The following MTAP variants were observed in gnomAD, a reference collection of about 807,000 sequenced individuals.
MTAP encodes the protein S-methyl-5'-thioadenosine phosphorylase.
A neutral mutation model predicts 33.6 loss-of-function variants in MTAP; 33 were observed. The ratio of observed to expected loss-of-function variants is 0.98; its 90% CI spans 0.74 to 1.31. The LOEUF (loss-of-function observed/expected upper bound fraction) is 1.31. MTAP is among the 40% of genes most tolerant of loss of function. MTAP has a pLI of 0.00. For missense variants in MTAP, 367 were observed against 360.0 expected, an observed-to-expected ratio of 1.02 and a Z score of -0.16; for synonymous variants, 148 against 125.7, an observed-to-expected ratio of 1.18 and a Z score of -1.19.
chr9:21,886,850 A>G (rs943677666), intron 1 of MTAP, among the ~76,000 whole-genome samples: 6 of 152,196 alleles, frequency 3.9e-5, no homozygotes, highest in African/African-American at 1.4e-4. Flanking sequence ...GCCTTATAGA[A>G]TAGTTTGAAG....
chr9:21,855,976 G>A lies in MTAP; in HGVS notation c.690+1106G>A, dbSNP rs3935921. ...ATTCAGACTATTCCTTTTTCCTTCA[G>A]TCTCATAATTTTTAACAATTTGATC... On this transcript the variant is annotated intron_variant, in intron 6 of 7. Transcript: ENST00000644715. The A allele has an allele frequency of 1.7e-4, 28 of 160,232 alleles. No individual in the cohort carries two copies. In the East Asian group the frequency reaches 5.0e-3, roughly 29 times the overall value. 9.9% of individuals were successfully genotyped at this position (160,232 alleles called of 1,614,324 possible).
At chr9:21,857,840 A>G (rs184002707) in intron 6 of MTAP, among the ~76,000 whole-genome samples, 178 of 152,254 alleles carry the variant, frequency 1.2e-3, no homozygotes, top group African/African-American at 4.1e-3. Context: ...CAAGCTTTTT[A>G]TGAAGGAACC....
chr9:21,828,938 G>A (rs1214873664), intron 4 of MTAP, among the ~76,000 whole-genome samples: 3 of 152,052 alleles, frequency 2.0e-5, no homozygotes, highest in Admixed American at 2.0e-4. Flanking sequence ...AGTTAACCAG[G>A]CTTGAGCACA....
At chr9:21,934,609 G>A (rs1819012656), downstream of MTAP, 1 of 151,816 alleles carries the variant, frequency 6.6e-6, no homozygotes, top group South Asian at 2.1e-4. This position sits in a 1 kb window ranked among gnomAD's most constrained non-coding sequence, Gnocchi z 5.0. Context: ...GTGAAAATGT[G>A]GTAGCTATTT....
At chr9:21,830,481 G>T (rs1180013454) in intron 4 of MTAP, among the ~76,000 whole-genome samples, 1 of 152,094 alleles carries the variant, frequency 6.6e-6, no homozygotes, top group Non-Finnish European at 1.5e-5. Flanking sequence ...GGCCACTGAG[G>T]GTAAAAGATG....
downstream of MTAP, among the ~76,000 whole-genome samples, chr9:21,869,706 A>T (rs1413157548): frequency 6.6e-6 from 1 of 152,160 alleles, no homozygotes; most frequent in African/African-American, 2.4e-5. Context: ...TTTATTTACC[A>T]TCCAAATATG....
At position 21,864,652 on chromosome 9, in the gene MTAP, G is replaced by T. The variant is rs556394357; in HGVS notation, c.*2638G>T. 1 of 985,548 alleles carries T rather than the reference G, an allele frequency of 1.0e-6. No homozygotes were observed. Among genetic ancestry groups the T allele is most frequent in the Non-Finnish European group, 1.2e-6 (1 of 830,038 alleles). 61.1% of individuals were successfully genotyped at this position (985,548 alleles called of 1,614,324 possible). ...GCCCCCTTCGCTAGCACGAGTTGCT[G>T]TGCAGGGCTGGAGGTAGCTACCATG... On this transcript the variant is annotated 3_prime_UTR_variant, in exon 8 of 8. Coordinates refer to ENST00000644715, the MANE Select transcript of MTAP (RefSeq NM_002451.4).
Position 21,865,342 on chromosome 9 carries a change from T to C in MTAP, c.*3328T>C. The C allele has an allele frequency of 1.3e-6, 1 of 749,664 alleles. No individual in the cohort carries two copies. 46.4% of individuals were successfully genotyped at this position (749,664 alleles called of 1,614,324 possible). A position where few individuals can be genotyped will look rare whatever the true frequency, so the allele number is the denominator to read the frequency against. On this transcript the variant is annotated 3_prime_UTR_variant, in exon 8 of 8. Coordinates refer to ENST00000644715, the MANE Select transcript of MTAP (RefSeq NM_002451.4). ...CCACGATTGTAAGTTTCCTGAGGCC[T>C]TCCCAGCTATGTGGAACTGTGAGTT... is the stretch of plus-strand genomic sequence containing the variant.
chr9:21,915,021 TTCCTTCCTTCCTTCCTTC>T lies in MTAP; in HGVS notation c.148-15986_148-15969del, dbSNP rs1818656727. 6.1e-5 allele frequency among the ~76,000 whole-genome samples: 6 copies of T among 98,996 alleles called. 1 individual carries two copies. The East Asian group carries it at 1.7e-3, about 28-fold the overall frequency. 64.9% of individuals were successfully genotyped at this position (98,996 alleles called of 152,430 possible). On this transcript the variant is annotated intron_variant, in intron 1 of 1. Transcript: ENST00000577563. ...TTTCTTTCCTTCCTTCCTTCCTTCC[TTCCTTCCTTCCTTCCTTC>T]CTTCCTTCCTTCCTTCCTTTCTTTC...
At chr9:21,810,163 G>T (rs1403888648) in intron 1 of MTAP, among the ~76,000 whole-genome samples, 2 of 152,196 alleles carry the variant, frequency 1.3e-5, no homozygotes, top group Non-Finnish European at 2.9e-5. Context: ...AGCGCTGGAG[G>T]TTAGAAGTCC....
At chr9:21,815,178 A>G (rs1824445336) in intron 1 of MTAP, among the ~76,000 whole-genome samples, 1 of 152,178 alleles carries the variant, frequency 6.6e-6, no homozygotes, top group South Asian at 2.1e-4. Flanking sequence ...TCAGAAGTAA[A>G]TGTGATGTAG....
At chr9:21,834,875 T>TG (rs1825063746) in intron 4 of MTAP, among the ~76,000 whole-genome samples, 1 of 152,232 alleles carries the variant, frequency 6.6e-6, no homozygotes, top group Non-Finnish European at 1.5e-5. Flanking sequence ...GGAGATGTTA[T>TG]TGCATCGCAG....
At chr9:21,896,748 A>G (rs1002682615) in intron 1 of MTAP, among the ~76,000 whole-genome samples, 31 of 152,168 alleles carry the variant, frequency 2.0e-4, no homozygotes, top group African/African-American at 7.0e-4. Flanking sequence ...TTAACACCCT[A>G]CCAACCAAAA....
intron 1 of MTAP, among the ~76,000 whole-genome samples, chr9:21,896,515 G>C (rs562730904): frequency 1.3e-5 from 2 of 152,142 alleles, no homozygotes; most frequent in East Asian, 3.9e-4. Context: ...AGAAAAGAGA[G>C]AAGATTCAAT....
intron 6 of MTAP, among the ~76,000 whole-genome samples, chr9:21,855,924 G>T (rs1002862694): frequency 6.6e-6 from 1 of 152,002 alleles, no homozygotes; most frequent in Non-Finnish European, 1.5e-5. Flanking sequence ...CAAAAATAAT[G>T]ATATTAATTT....
At chr9:21,881,767 A>T (rs924660331) in intron 1 of MTAP, among the ~76,000 whole-genome samples, 1 of 152,064 alleles carries the variant, frequency 6.6e-6, no homozygotes, top group Non-Finnish European at 1.5e-5. Flanking sequence ...ACCCTTCCAC[A>T]CTTTTATTGG....
At chr9:21,817,052 A>AT (rs538201314) in intron 3 of MTAP, among the ~76,000 whole-genome samples, 1 of 152,082 alleles carries the variant, frequency 6.6e-6, no homozygotes, top group African/African-American at 2.4e-5. Context: ...TGTTTTGTTC[A>AT]TTTTTTTCCC....
chr9:21,872,924 G>T (rs905412171), intron 1 of MTAP, among the ~76,000 whole-genome samples: 1 of 152,162 alleles, frequency 6.6e-6, no homozygotes, highest in Non-Finnish European at 1.5e-5. Context: ...AACAGTTCAT[G>T]CCTGGTAAGG....
intron 1 of MTAP, among the ~76,000 whole-genome samples, chr9:21,874,493 G>C (rs1825977611): frequency 6.6e-6 from 1 of 151,966 alleles, no homozygotes; most frequent in African/African-American, 2.4e-5. Flanking sequence ...ATCTCTTTTA[G>C]TAAATGTCCT....
Sources: allele counts gnomAD v4.1 joint callset (sites outside exome capture counted in the v4.1 genomes callset), GRCh38; gene constraint gnomAD v4.1.1; non-coding constraint Gnocchi (gnomAD v3.1); transcripts MANE v1.5; gene names NCBI Gene and HGNC (gene_info 2026-07-23, HGNC 2026-07-21).